Variants in NPAS3 observed in about 807,000 individuals in gnomAD.
NPAS3 encodes neuronal PAS domain protein 3, also known as neuronal PAS domain-containing protein 3.
A neutral mutation model predicts 73.1 loss-of-function variants in NPAS3; 14 were observed. The ratio of observed to expected loss-of-function variants is 0.19; its 90% confidence interval spans 0.13 to 0.30. The LOEUF is 0.30. Among genes scored for constraint, NPAS3 ranks in the 10% least tolerant of loss-of-function variants. The probability of loss-of-function intolerance (pLI) is 1.00; values close to 1 mark genes in which losing one functional copy is unlikely to be tolerated. For synonymous variants in NPAS3, 620 were observed against 541.5 expected, an observed-to-expected ratio of 1.14 and a Z score of -2.01; for missense variants, 1,096 against 1,250.0, an observed-to-expected ratio of 0.88 and a Z score of 1.86.
In NPAS3 at chr14:33,565,596, G is replaced by GAT; in HGVS notation, c.558+5395_558+5396dup. Among the ~76,000 whole-genome samples, 3 of 151,800 alleles carry GAT rather than the reference G, an allele frequency of 2.0e-5. No individual in the cohort carries two copies. In the East Asian group the frequency reaches 5.8e-4, roughly 29 times the overall value. On this transcript the variant is annotated intron_variant, in intron 5 of 11. Coordinates refer to ENST00000356141, the Ensembl canonical transcript of NPAS3. ...TACTCTTACTTCCCTGCTTGTAGAAGATATATATATTTCTTTAGTGGGGTT... is the reference window on the plus strand; with the variant it reads ...TACTCTTACTTCCCTGCTTGTAGAAGATATATATATATTTCTTTAGTGGGGTT...
At chr14:33,426,593 T>A in intron 4 of NPAS3, among the ~76,000 whole-genome samples, 1 of 151,984 alleles carries the variant, frequency 6.6e-6, no homozygotes, top group African/African-American at 2.4e-5. Flanking sequence ...TGAGCGAGGA[T>A]ACTTAGGATA....
At chr14:33,391,209 T>C (rs1701410999) in intron 4 of NPAS3, among the ~76,000 whole-genome samples, 1 of 140,344 alleles carries the variant, frequency 7.1e-6, no homozygotes, top group Admixed American at 7.0e-5. Context: ...TTTTTTTTTT[T>C]TGAGAAAGAG....
At chr14:33,792,621 A>G (rs940349706) in intron 9 of NPAS3, among the ~76,000 whole-genome samples, 1 of 151,786 alleles carries the variant, frequency 6.6e-6, no homozygotes, top group African/African-American at 2.4e-5. Flanking sequence ...ACTTCATGAA[A>G]CTGTTGTATA....
chr14:32,959,835 A>C (rs973454773), intron 1 of NPAS3, among the ~76,000 whole-genome samples: 1 of 152,174 alleles, frequency 6.6e-6, no homozygotes, highest in Non-Finnish European at 1.5e-5. Flanking sequence ...GATGGTATCT[A>C]TGTTCTTTCT....
At chr14:32,934,875 G>A (rs1186670915), upstream of NPAS3, 3 of 674,428 alleles carry the variant, frequency 4.4e-6, no homozygotes, top group African/African-American at 3.9e-5. The surrounding 1 kb of genome is among the most constrained non-coding windows in gnomAD (Gnocchi z 4.1). Flanking sequence ...ATTTCAGCGT[G>A]CAGGTGACGG....
At chr14:33,699,047 G>A (rs1055087627) in intron 6 of NPAS3, among the ~76,000 whole-genome samples, 1 of 152,168 alleles carries the variant, frequency 6.6e-6, no homozygotes, top group Non-Finnish European at 1.5e-5. Flanking sequence ...GGACACATAG[G>A]AAACACAGAG....
chr14:32,943,993 A>G (rs1595060008), intron 1 of NPAS3, among the ~76,000 whole-genome samples: 1 of 152,132 alleles, frequency 6.6e-6, no homozygotes, highest in African/African-American at 2.4e-5. Context: ...CCTGGCCTTT[A>G]TTTGGGGATA....
In NPAS3 at chr14:33,676,407, TGTGGGTTGGTGG is replaced by T. The variant is rs1329910520; in HGVS notation, c.733+24_733+35del. On this transcript the variant is annotated intron_variant, in intron 6 of 11. Transcript: ENST00000356141. Reference sequence around the variant, plus strand: ...CCAGGTGGGAATTGCAAACCCAGTGTGTGGGTTGGTGGGCAGGACCTTTGCCAAATGAGTGTG... The same window carrying T: ...CCAGGTGGGAATTGCAAACCCAGTGTGCAGGACCTTTGCCAAATGAGTGTG... The T allele has an allele frequency of 1.4e-5, 22 of 1,535,298 alleles. No individual in the cohort carries two copies. In the Middle Eastern group the frequency reaches 2.2e-3, roughly 150 times the overall value.
chr14:33,355,617 G>A (rs1026559647), intron 3 of NPAS3, among the ~76,000 whole-genome samples: 2 of 152,108 alleles, frequency 1.3e-5, no homozygotes, highest in African/African-American at 4.8e-5. Flanking sequence ...CTTTTTTACA[G>A]TTTGTATTTC....
chr14:33,324,144 G>A (rs2043583928), intron 3 of NPAS3, among the ~76,000 whole-genome samples: 1 of 152,178 alleles, frequency 6.6e-6, no homozygotes, highest in South Asian at 2.1e-4. Context: ...TTGCCAAAAT[G>A]GCTGTCCTTC....
chr14:33,151,346 A>G (rs777697820), intron 2 of NPAS3, among the ~76,000 whole-genome samples: 3 of 152,240 alleles, frequency 2.0e-5, no homozygotes, highest in African/African-American at 4.8e-5. Context: ...AACGTAAATA[A>G]GTAAGATCTT....
chr14:32,975,680 T>C (rs945336361), intron 1 of NPAS3, among the ~76,000 whole-genome samples: 1 of 152,114 alleles, frequency 6.6e-6, no homozygotes, highest in Admixed American at 6.5e-5. Context: ...TGAATACATG[T>C]TTTAGTAGAG....
At chr14:33,064,030 A>C (rs2041198200) in intron 2 of NPAS3, among the ~76,000 whole-genome samples, 1 of 152,212 alleles carries the variant, frequency 6.6e-6, no homozygotes, top group African/African-American at 2.4e-5. Flanking sequence ...TGCTTTATGT[A>C]ATATAAATGA....
intron 2 of NPAS3, among the ~76,000 whole-genome samples, chr14:33,207,628 A>G (rs2046879971): frequency 6.6e-6 from 1 of 152,164 alleles, no homozygotes; most frequent in African/African-American, 2.4e-5. Context: ...TGTGCATTAA[A>G]CCAACAGCAT....
intron 2 of NPAS3, among the ~76,000 whole-genome samples, chr14:33,137,951 T>C (rs1364943171): frequency 6.6e-6 from 1 of 152,012 alleles, no homozygotes; most frequent in Admixed American, 6.6e-5. Context: ...ATCTGGTAGG[T>C]GTGGAGGGTT....
At chr14:33,089,145 C>T (rs533104818) in intron 2 of NPAS3, among the ~76,000 whole-genome samples, 24 of 152,320 alleles carry the variant, frequency 1.6e-4, no homozygotes, top group Non-Finnish European at 2.6e-4. Flanking sequence ...CAAACCTGGA[C>T]GGAGAATATC....
chr14:33,803,879 C>T (rs2063773365), downstream of NPAS3: 2 of 151,974 alleles, frequency 1.3e-5, no homozygotes, highest in Non-Finnish European at 2.9e-5. Flanking sequence ...ACCAACTCTA[C>T]GATATATATA....
chr14:33,684,544 C>T (rs1431165987), intron 6 of NPAS3, among the ~76,000 whole-genome samples: 6 of 152,096 alleles, frequency 3.9e-5, no homozygotes, highest in East Asian at 1.9e-4. Flanking sequence ...GTGATCTGCC[C>T]GCCTCGGCCT....
chr14:32,962,904 G>A (rs2036994179), intron 1 of NPAS3, among the ~76,000 whole-genome samples: 1 of 149,900 alleles, frequency 6.7e-6, no homozygotes, highest in African/African-American at 2.5e-5. Context: ...TTAAAGAGGT[G>A]GGGTCTCACT....
Sources: allele counts gnomAD v4.1 joint callset (sites outside exome capture counted in the v4.1 genomes callset), GRCh38; gene constraint gnomAD v4.1.1; non-coding constraint Gnocchi (gnomAD v3.1); transcripts MANE v1.5; gene names NCBI Gene and HGNC (gene_info 2026-07-23, HGNC 2026-07-21).